Variants in CNTNAP5 observed in about 807,000 individuals in gnomAD.
CNTNAP5 encodes the protein contactin-associated protein-like 5.
CNTNAP5 carries 72 observed loss-of-function variants against 150.2 expected under a neutral mutation model. That is an observed-to-expected ratio of 0.48 (90% CI 0.40 to 0.58). CNTNAP5 has a LOEUF of 0.58. CNTNAP5 is among the 20% of genes least tolerant of loss of function. The pLI is 0.00. For synonymous variants in CNTNAP5, 672 were observed against 619.8 expected, an observed-to-expected ratio of 1.08 and a Z score of -1.25; for missense variants, 1,636 against 1,626.2, an observed-to-expected ratio of 1.01 and a Z score of -0.10.
chr2:124,742,847 T>C (rs541403689), intron 13 of CNTNAP5, among the ~76,000 whole-genome samples: 1 of 152,112 alleles, frequency 6.6e-6, no homozygotes, highest in Non-Finnish European at 1.5e-5. Flanking sequence ...TGGAGGAGTC[T>C]CCCATCAGGT....
At chr2:124,616,111 T>A (rs576686509) in intron 12 of CNTNAP5, among the ~76,000 whole-genome samples, 142 of 152,282 alleles carry the variant, frequency 9.3e-4, no homozygotes, top group African/African-American at 3.2e-3. Flanking sequence ...ATTTTGAGAA[T>A]GGCAAATGAG....
chr2:124,761,746 T>C (rs1168159663), intron 14 of CNTNAP5, among the ~76,000 whole-genome samples: 2 of 152,140 alleles, frequency 1.3e-5, no homozygotes, highest in African/African-American at 4.8e-5. Context: ...AGCAATTTAC[T>C]TTAAGTTTTC....
At chr2:124,381,265 C>G (rs543569372) in intron 3 of CNTNAP5, among the ~76,000 whole-genome samples, 6 of 152,110 alleles carry the variant, frequency 3.9e-5, no homozygotes, top group Non-Finnish European at 8.8e-5. Flanking sequence ...AGGATACCAA[C>G]ACAATACTTT....
chr2:124,798,491 G>C (rs1295358854), intron 19 of CNTNAP5, among the ~76,000 whole-genome samples, 171 bp downstream of exon 19: 2 of 152,164 alleles, frequency 1.3e-5, no homozygotes, highest in African/African-American at 2.4e-5. Flanking sequence ...AGATGCAATT[G>C]GTATTCAGGG....
rs1681107668 is a variant in CNTNAP5, at chr2:124,033,038, G to C, written c.82+7306G>C. Among the ~76,000 whole-genome samples, 3 of 152,158 alleles carry C rather than the reference G, an allele frequency of 2.0e-5. No homozygotes were observed. The South Asian group carries it at 6.2e-4, about 32-fold the overall frequency. The stretch of plus-strand genomic sequence containing the variant: ...TACTGCTATCAGGGGCTGCTCAGTG[G>C]AAAGAGAAACAAGGGGAAGTTGGGT... On this transcript the variant is annotated intron_variant, in intron 1 of 23. Transcript: ENST00000682447.
intron 21 of CNTNAP5, among the ~76,000 whole-genome samples, chr2:124,899,071 C>T (rs544100553): frequency 6.6e-5 from 10 of 151,352 alleles, no homozygotes; most frequent in Admixed American, 3.3e-4. Flanking sequence ...TAAGGTGATC[C>T]GCCATGTCAC....
intron 3 of CNTNAP5, among the ~76,000 whole-genome samples, chr2:124,400,683 T>TTTTG (rs1558884187): frequency 8.0e-6 from 1 of 124,622 alleles, no homozygotes; most frequent in African/African-American, 2.7e-5. Flanking sequence ...TTTTTTTTTT[T>TTTTG]TTTTTGTTTT....
intron 1 of CNTNAP5, among the ~76,000 whole-genome samples, chr2:124,090,081 G>T (rs1388238225): frequency 3.9e-5 from 6 of 152,200 alleles, no homozygotes; most frequent in Non-Finnish European, 8.8e-5. Context: ...AGACAATATT[G>T]AGTAAATGTA....
intron 11 of CNTNAP5, among the ~76,000 whole-genome samples, chr2:124,604,228 ATATTT>A (rs1451543418): frequency 6.6e-6 from 1 of 152,170 alleles, no homozygotes; most frequent in Non-Finnish European, 1.5e-5. Flanking sequence ...TTTGCATTTT[ATATTT>A]TATCTTTTAT....
chr2:124,645,863 A>T (rs1488423008), intron 12 of CNTNAP5, among the ~76,000 whole-genome samples: 1 of 152,076 alleles, frequency 6.6e-6, no homozygotes, highest in Non-Finnish European at 1.5e-5. Context: ...ATCATGGTGG[A>T]AGGTGAAGAG....
intron 3 of CNTNAP5, among the ~76,000 whole-genome samples, chr2:124,336,677 A>C (rs1315587439): frequency 6.6e-6 from 1 of 151,810 alleles, no homozygotes; most frequent in Admixed American, 6.6e-5. Flanking sequence ...TTCCAGCTTC[A>C]TCCATGTCCC....
At chr2:124,110,598 C>T (rs955994020) in intron 1 of CNTNAP5, among the ~76,000 whole-genome samples, 10 of 152,010 alleles carry the variant, frequency 6.6e-5, no homozygotes, top group Non-Finnish European at 1.0e-4. Context: ...AAGCAGTGTG[C>T]TAGCATTTTA....
At chr2:124,743,094 CA>C (rs557107055) in intron 13 of CNTNAP5, among the ~76,000 whole-genome samples, 15 of 152,196 alleles carry the variant, frequency 9.9e-5, no homozygotes, top group African/African-American at 3.4e-4. Context: ...TGCTTCTTGT[CA>C]AAGTGAAGTG....
rs3034804 is a variant in CNTNAP5 at position 124,443,813 on chromosome 2, C to CGTGTGTGT, written c.734-2908_734-2901dup. On this transcript the variant is annotated intron_variant, in intron 5 of 23. Coordinates refer to ENST00000682447, the MANE Select transcript of CNTNAP5 (RefSeq NM_001367498.1). ...TTGGGGAAAGGGTGTAATTCCTTGCCGTGTGTGTGTGTGTGTGTGTGTGTG... is the reference window on the plus strand; with the variant it reads ...TTGGGGAAAGGGTGTAATTCCTTGCCGTGTGTGTGTGTGTGTGTGTGTGTGTGTGTGTG... Among the ~76,000 whole-genome samples, 839 of 143,800 alleles carry CGTGTGTGT rather than the reference C, an allele frequency of 5.8e-3. 3 individuals are homozygous for CGTGTGTGT. The highest frequency in any genetic ancestry group is 0.025 in the Middle Eastern group (7 of 284). The allele number at this position is 143,800 out of a possible 152,430, so 94.3% of individuals were successfully genotyped here.
At chr2:124,586,009 A>C (rs1017899313) in intron 11 of CNTNAP5, among the ~76,000 whole-genome samples, 1 of 152,118 alleles carries the variant, frequency 6.6e-6, no homozygotes, top group Non-Finnish European at 1.5e-5. Context: ...TCTGCTTCTC[A>C]ATATATGGTC....
chr2:124,540,661 T>C (rs909100090), intron 10 of CNTNAP5, among the ~76,000 whole-genome samples: 3 of 148,892 alleles, frequency 2.0e-5, no homozygotes, highest in African/African-American at 7.5e-5. Context: ...GAATCTGCTT[T>C]TTTTTAGTAT....
chr2:124,273,657 C>A (rs2104615542), intron 3 of CNTNAP5, among the ~76,000 whole-genome samples: 1 of 152,290 alleles, frequency 6.6e-6, no homozygotes, highest in Non-Finnish European at 1.5e-5. Context: ...ACCTGCTAAG[C>A]TGTAAACCCT....
chr2:124,272,087 C>A (rs1310541987), intron 3 of CNTNAP5, among the ~76,000 whole-genome samples: 2 of 151,914 alleles, frequency 1.3e-5, no homozygotes, highest in Admixed American at 6.6e-5. Flanking sequence ...TTGAGAAATT[C>A]CTCTTGGTAT....
chr2:124,228,877 A>G (rs982122944), intron 2 of CNTNAP5, among the ~76,000 whole-genome samples: 3 of 152,138 alleles, frequency 2.0e-5, no homozygotes, highest in African/African-American at 7.2e-5. Context: ...CAGAGCATCA[A>G]ATCCCCCTCA....
Sources: allele counts gnomAD v4.1 joint callset (sites outside exome capture counted in the v4.1 genomes callset), GRCh38; gene constraint gnomAD v4.1.1; transcripts MANE v1.5; gene names NCBI Gene and HGNC (gene_info 2026-07-23, HGNC 2026-07-21).